Variants in ATPAF2 observed in about 807,000 individuals in gnomAD.
ATPAF2 encodes the protein ATP12 homolog.
ATPAF2 carries 30 observed loss-of-function variants against 36.6 expected under a neutral mutation model. The observed-to-expected ratio is 0.82, with a 90% CI of 0.61 to 1.11. The LOEUF (loss-of-function observed/expected upper bound fraction) is 1.11. Among genes scored for constraint, ATPAF2 ranks in the 50% most tolerant of loss-of-function variants. The pLI is 0.00. For synonymous variants in ATPAF2, 140 were observed against 152.6 expected, an observed-to-expected ratio of 0.92 and a Z score of 0.61; for missense variants, 321 against 372.3, an observed-to-expected ratio of 0.86 and a Z score of 1.13.
downstream of ATPAF2, among the ~76,000 whole-genome samples, chr17:18,017,501 G>C (rs1568560790): frequency 1.3e-5 from 2 of 152,262 alleles, no homozygotes; most frequent in African/African-American, 2.4e-5. Context: ...CACCAAGGCT[G>C]AGGTTAGCCA....
At chr17:18,030,827 T>G (rs2044620771) in intron 1 of ATPAF2, among the ~76,000 whole-genome samples, 5 of 123,222 alleles carry the variant, frequency 4.1e-5, no homozygotes, top group South Asian at 7.0e-4. Flanking sequence ...CCACCACGCC[T>G]GGCTTTTTTT....
At chr17:18,031,404 T>C (rs2044632604) in intron 1 of ATPAF2, among the ~76,000 whole-genome samples, 1 of 152,160 alleles carries the variant, frequency 6.6e-6, no homozygotes, top group South Asian at 2.1e-4. Context: ...AAGGCCCAAA[T>C]TGTTTTCCCA....
intron 7 of ATPAF2, 122 bp from the exon 8 acceptor site, chr17:18,018,808 CAT>C (rs1005635954): frequency 9.3e-5 from 131 of 1,414,960 alleles, no homozygotes; most frequent in African/African-American, 5.3e-4. Flanking sequence ...TGCCAAAACA[CAT>C]GAGACATGCC....
At position 18,021,462 on chromosome 17, in the gene ATPAF2, T is replaced by C. The variant is rs1008534598; in HGVS notation, c.617-224A>G. 3 of 638,796 alleles carry C rather than the reference T, an allele frequency of 4.7e-6. No homozygotes were observed. The African/African-American group carries it at 5.4e-5, about 11-fold the overall frequency. 39.6% of individuals were successfully genotyped at this position (638,796 alleles called of 1,614,324 possible). On this transcript the variant is annotated intron_variant, in intron 6 of 7. Coordinates refer to ENST00000474627, the MANE Select transcript of ATPAF2 (RefSeq NM_145691.4). ...ACCCGAACTTGGCAAATCAGAGCTT[T>C]CCGCACCCAGTCTAGTGATTGGTTC...
intron 7 of ATPAF2, chr17:18,020,858 G>C: frequency 1.6e-6 from 1 of 610,730 alleles, no homozygotes. Flanking sequence ...AGAGGGTTTT[G>C]CCATGTTGCC....
chr17:18,018,011 T>C (rs1423497267), downstream of ATPAF2: 2 of 176,946 alleles, frequency 1.1e-5, no homozygotes, highest in East Asian at 2.8e-4. Context: ...ACAACCAGCT[T>C]AGACCACAAT....
Position 18,020,108 on chromosome 17 carries a change from T to TTTTTGTTTG in ATPAF2, c.732+1014_732+1015insCAAACAAAA, listed in dbSNP as rs1555634221. The stretch of plus-strand genomic sequence containing the variant: ...ATACATCACAAAAAGTTTTGTGTTT[T>TTTTTGTTTG]TTTGTTTGTTTGTTTTTACCATATT... On this transcript the variant is annotated intron_variant, in intron 7 of 7. Transcript: ENST00000474627. Among the ~76,000 whole-genome samples, 8 of 151,552 alleles carry TTTTTGTTTG rather than the reference T, an allele frequency of 5.3e-5. No homozygotes were observed. The South Asian group carries it at 1.7e-3, about 32-fold the overall frequency.
chr17:18,030,337 A>AAAAAAAAAAAAAAT (rs2044610010), intron 1 of ATPAF2, among the ~76,000 whole-genome samples: 1 of 148,658 alleles, frequency 6.7e-6, no homozygotes, highest in African/African-American at 2.5e-5. Flanking sequence ...AAAAAAAAAA[A>AAAAAAAAAAAAAAT]AAAAAAGAAA....
At chr17:18,035,695 C>T (rs1210662309) in intron 1 of ATPAF2, among the ~76,000 whole-genome samples, 1 of 152,176 alleles carries the variant, frequency 6.6e-6, no homozygotes, top group Non-Finnish European at 1.5e-5. Flanking sequence ...TGAAAGTAGC[C>T]ATAGATGATA....
At position 18,039,036 on chromosome 17, in the gene ATPAF2, T is replaced by C. The variant is rs369239611; in HGVS notation, c.-23A>G. On this transcript the variant is annotated 5_prime_UTR_variant, in exon 1 of 8. Coordinates refer to ENST00000474627, the MANE Select transcript of ATPAF2 (RefSeq NM_145691.4). This position sits in a 1 kb window ranked among gnomAD's most constrained non-coding sequence, Gnocchi z 5.3. The stretch of plus-strand genomic sequence containing the variant: ...CATCGCGCCCGAGGGTCTGGGAAGA[T>C]GCGAGACGCGAAACCTGGAGCAGGA... 2.3e-5 allele frequency: 37 copies of C among 1,578,416 alleles called. No homozygotes were observed. Among genetic ancestry groups the C allele is most frequent in the Non-Finnish European group, 3.0e-5 (35 of 1,161,966 alleles).
intron 4 of ATPAF2, 60 bp from the exon 5 acceptor site, chr17:18,024,764 T>C: frequency 2.7e-6 from 4 of 1,472,220 alleles, no homozygotes; most frequent in South Asian, 2.3e-5. Flanking sequence ...CATTCAGTGA[T>C]AGAAAAGGAA....
rs1291240997 is a variant in ATPAF2 at position 18,024,653 on chromosome 17, C to T, written c.474G>A (p.Trp158Ter). Residue 158 changes from tryptophan (W) to a stop codon, truncating the protein, a stop_gained, in exon 5 of 8, where the codon TGG (tryptophan) becomes TGA (stop). Transcript: ENST00000474627. LOFTEE classifies it high-confidence loss of function. ...ETLVELQRNEWDPIIEWAEKR... is the reference protein window; with the variant it reads ...ETLVELQRNE ...TCTCAGCCCATTCGATGATTGGATCCCACTCATTCCTTTGAAGTTCCACTA... is the reference window on the plus strand; with the variant it reads ...TCTCAGCCCATTCGATGATTGGATCTCACTCATTCCTTTGAAGTTCCACTA... The T allele has an allele frequency of 6.2e-7, 1 of 1,614,098 alleles. No homozygotes were observed. Among genetic ancestry groups the T allele is most frequent in the African/African-American group, 1.3e-5 (1 of 75,008 alleles).
At chr17:18,033,193 A>G (rs887567029) in intron 1 of ATPAF2, among the ~76,000 whole-genome samples, 1 of 151,806 alleles carries the variant, frequency 6.6e-6, no homozygotes, top group Non-Finnish European at 1.5e-5. Flanking sequence ...ACATGGTGAA[A>G]CCCTGTCTCT....
At chr17:18,026,558 A>T in intron 3 of ATPAF2, 142 bp from the exon 4 acceptor site, 1 of 730,600 alleles carries the variant, frequency 1.4e-6, no homozygotes, top group South Asian at 1.5e-5. Flanking sequence ...TTACCGGAGC[A>T]GCAGCACAGC....
At chr17:18,017,192 A>C (rs2044393074), downstream of ATPAF2, among the ~76,000 whole-genome samples, 1 of 149,134 alleles carries the variant, frequency 6.7e-6, no homozygotes, top group African/African-American at 2.5e-5. Flanking sequence ...AAAAAAAAAA[A>C]AAAAAAAAAA....
At chr17:18,038,472 A>G (rs553433048) in intron 1 of ATPAF2, among the ~76,000 whole-genome samples, 1 of 152,338 alleles carries the variant, frequency 6.6e-6, no homozygotes, top group South Asian at 2.1e-4. Context: ...CCTTCTGGGC[A>G]GGTCTTGTGT....
At position 18,026,299 on chromosome 17, in the gene ATPAF2, C is replaced by G; in HGVS notation, c.422+20G>C. ...AAATAGCCTCAATCCAAGGGGAATG[C>G]CCATCTAAATGTCCATTACCAGATG... On this transcript the variant is annotated intron_variant, in intron 4 of 7. Coordinates refer to ENST00000474627, the MANE Select transcript of ATPAF2 (RefSeq NM_145691.4). 5 of 1,588,314 alleles carry G rather than the reference C, an allele frequency of 3.1e-6. No homozygotes were observed. The highest frequency in any genetic ancestry group is 4.3e-6 in the Non-Finnish European group (5 of 1,156,408).
At chr17:18,016,529 AGGAATCGGGCTTT>A, downstream of ATPAF2, 1 of 1,465,110 alleles carries the variant, frequency 6.8e-7, no homozygotes, top group Non-Finnish European at 9.6e-7. Context: ...ATCTGATGTA[AGGAATCGGGCTTT>A]GGTTTCACTC....
chr17:18,037,689 T>C (rs767263480), intron 1 of ATPAF2, among the ~76,000 whole-genome samples: 6 of 152,112 alleles, frequency 3.9e-5, no homozygotes, highest in Non-Finnish European at 7.4e-5. Context: ...AATGAGGAAG[T>C]AGTTGCATGC....
Sources: gnomAD v4.1 joint callset for allele counts (sites outside exome capture counted in the v4.1 genomes callset) on GRCh38, gnomAD v4.1.1 for gene constraint, Gnocchi (gnomAD v3.1) non-coding constraint, MANE v1.5 for transcripts, NCBI Gene and HGNC (gene_info 2026-07-23, HGNC 2026-07-21) for gene names.